Variants in PPM1D observed in about 807,000 individuals in gnomAD.
The protein encoded by PPM1D is protein phosphatase 1D.
PPM1D carries 52 observed loss-of-function variants against 58.3 expected under a neutral mutation model. The observed-to-expected ratio is 0.89, with a 90% CI of 0.71 to 1.12. The LOEUF (loss-of-function observed/expected upper bound fraction) is 1.12, where lower values mean the gene tolerates loss of function less well. Among genes scored for constraint, PPM1D ranks in the 50% most tolerant of loss-of-function variants. PPM1D has a pLI of 0.00. For missense variants in PPM1D, 564 were observed against 777.2 expected, an observed-to-expected ratio of 0.73 and a Z score of 3.26; for synonymous variants, 278 against 285.1, an observed-to-expected ratio of 0.98 and a Z score of 0.25.
At chr17:60,612,037 G>T (rs2030467851) in intron 1 of PPM1D, among the ~76,000 whole-genome samples, 1 of 151,040 alleles carries the variant, frequency 6.6e-6, no homozygotes, top group Admixed American at 6.6e-5. Context: ...CTACATGTGG[G>T]TATTTAAAAA....
intron 2 of PPM1D, among the ~76,000 whole-genome samples, chr17:60,626,407 T>G (rs947205189): frequency 6.6e-6 from 1 of 151,890 alleles, no homozygotes; most frequent in East Asian, 1.9e-4. Flanking sequence ...TTTGTTTTTT[T>G]TTTTTGAAAC....
chr17:60,612,497 A>G (rs1481477039), intron 1 of PPM1D, among the ~76,000 whole-genome samples: 1 of 152,114 alleles, frequency 6.6e-6, no homozygotes, highest in Non-Finnish European at 1.5e-5. Context: ...CCTGATTTTG[A>G]TGGGATCGTA....
At chr17:60,654,154 G>A (rs1236091769) in intron 4 of PPM1D, among the ~76,000 whole-genome samples, 1 of 151,730 alleles carries the variant, frequency 6.6e-6, no homozygotes, top group East Asian at 1.9e-4. Flanking sequence ...CAGTATTGAT[G>A]TTGGCTGTGA....
At chr17:60,642,773 A>T (rs997587592) in intron 3 of PPM1D, among the ~76,000 whole-genome samples, 18 of 152,044 alleles carry the variant, frequency 1.2e-4, no homozygotes, top group Admixed American at 6.6e-4. Context: ...CTCTTCTTTA[A>T]AAAAGATTTT....
At chr17:60,636,034 C>A (rs1598407385) in intron 3 of PPM1D, among the ~76,000 whole-genome samples, 1 of 152,174 alleles carries the variant, frequency 6.6e-6, no homozygotes, top group Non-Finnish European at 1.5e-5. Flanking sequence ...AGACAGCTCA[C>A]TGAGTAACCT....
At chr17:60,628,525 T>G (rs1354712639) in intron 2 of PPM1D, among the ~76,000 whole-genome samples, 2 of 152,172 alleles carry the variant, frequency 1.3e-5, no homozygotes, top group Non-Finnish European at 2.9e-5. Flanking sequence ...CTCCCCCACT[T>G]ACTCCTGGCA....
chr17:60,603,165 T>G (rs541736802), intron 1 of PPM1D, among the ~76,000 whole-genome samples: 3 of 152,334 alleles, frequency 2.0e-5, no homozygotes, highest in African/African-American at 7.2e-5. Flanking sequence ...CTTTTGGAAT[T>G]GAGCACCCTT....
intron 2 of PPM1D, among the ~76,000 whole-genome samples, chr17:60,627,939 G>A (rs949517003): frequency 2.0e-4 from 30 of 151,012 alleles, no homozygotes; most frequent in African/African-American, 6.3e-4. Flanking sequence ...AGGCTGGAGT[G>A]CAGTGGCACG....
chr17:60,643,257 C>A (rs1361281533), intron 3 of PPM1D, among the ~76,000 whole-genome samples: 1 of 152,010 alleles, frequency 6.6e-6, no homozygotes, highest in Admixed American at 6.6e-5. Context: ...GTGGCACACA[C>A]CTGTAGTCCC....
rs1306152358 is a variant in PPM1D, at chr17:60,600,694, C to T, written c.280C>T (p.Arg94Cys). Residue 94 changes from arginine (R) to cysteine (C), a missense_variant, in exon 1 of 6, where the codon CGC becomes TGC. By Grantham distance (180) the Arg-to-Cys change is radical. Coordinates refer to ENST00000305921, the MANE Select transcript of PPM1D (RefSeq NM_003620.4). Reference protein sequence around the residue: ...ASPAPSRCCRRRSSVAFFAVC... With the variant: ...ASPAPSRCCRCRSSVAFFAVC... ...GCCGGCACCTAGCCGCTGCTGCCGC[C>T]GCCGTTCCTCCGTGGCCTTTTTCGC... is the stretch of plus-strand genomic sequence containing the variant. 6.3e-7 allele frequency: 1 copy of T among 1,595,092 alleles called. No individual in the cohort carries two copies. The highest frequency in any genetic ancestry group is 8.5e-7 in the Non-Finnish European group (1 of 1,172,320).
intron 4 of PPM1D, among the ~76,000 whole-genome samples, chr17:60,655,417 C>T (rs919322443): frequency 1.3e-5 from 2 of 152,210 alleles, no homozygotes; most frequent in Admixed American, 6.5e-5. Context: ...GGCGTGATCT[C>T]GGCTCACTGT....
intron 1 of PPM1D, among the ~76,000 whole-genome samples, chr17:60,619,470 A>G (rs1370055290): frequency 1.3e-5 from 2 of 152,222 alleles, no homozygotes; most frequent in Non-Finnish European, 2.9e-5. Context: ...AATATTTTCC[A>G]TAATAGCTAT....
At chr17:60,642,567 T>G (rs1598409279) in intron 3 of PPM1D, among the ~76,000 whole-genome samples, 1 of 152,094 alleles carries the variant, frequency 6.6e-6, no homozygotes, top group African/African-American at 2.4e-5. Flanking sequence ...CAAGTGATTC[T>G]CCTGCCCGAG....
At chr17:60,623,867 GT>G in intron 2 of PPM1D, 118 bp downstream of exon 2, 2 of 1,004,074 alleles carry the variant, frequency 2.0e-6, no homozygotes, top group Non-Finnish European at 2.9e-6. Flanking sequence ...AGTATTACAG[GT>G]TTTTTAGTTT....
chr17:60,637,597 T>A (rs1355607923), intron 3 of PPM1D, among the ~76,000 whole-genome samples: 2 of 152,144 alleles, frequency 1.3e-5, no homozygotes, highest in Non-Finnish European at 2.9e-5. Flanking sequence ...TTTCAGGTGT[T>A]GTCTAGGGTG....
At chr17:60,602,654 TAC>T (rs2030240349) in intron 1 of PPM1D, among the ~76,000 whole-genome samples, 1 of 151,996 alleles carries the variant, frequency 6.6e-6, no homozygotes, top group Non-Finnish European at 1.5e-5. Context: ...TAGTTTTACA[TAC>T]ACAGACTTTT....
At chr17:60,631,376 T>A (rs1052840657) in intron 2 of PPM1D, among the ~76,000 whole-genome samples, 6 of 152,044 alleles carry the variant, frequency 3.9e-5, no homozygotes, top group Admixed American at 3.9e-4. Context: ...TGGTGACTCA[T>A]GCCTGTAAGA....
chr17:60,627,948 C>T (rs886447977), intron 2 of PPM1D, among the ~76,000 whole-genome samples: 1 of 151,414 alleles, frequency 6.6e-6, no homozygotes. Flanking sequence ...TGCAGTGGCA[C>T]GATCTCGTCT....
At chr17:60,619,604 T>C (rs1377060472) in intron 1 of PPM1D, among the ~76,000 whole-genome samples, 1 of 152,162 alleles carries the variant, frequency 6.6e-6, no homozygotes, top group Non-Finnish European at 1.5e-5. Context: ...ATCTCTCTCT[T>C]TATTTTTTTA....
Sources: gnomAD v4.1 joint callset for allele counts (sites outside exome capture counted in the v4.1 genomes callset) on GRCh38, gnomAD v4.1.1 for gene constraint, MANE v1.5 for transcripts, NCBI Gene and HGNC (gene_info 2026-07-23, HGNC 2026-07-21) for gene names.